The following ZSWIM7 variants were observed in gnomAD, a reference collection of about 807,000 sequenced individuals.
ZSWIM7 encodes zinc finger SWIM domain-containing protein 7.
In ZSWIM7, 22 loss-of-function variants were observed where a neutral mutation model predicts 21.1. The observed-to-expected ratio is 1.04, with a 90% CI of 0.74 to 1.49. The LOEUF is 1.49. Among genes scored for constraint, ZSWIM7 ranks in the 40% most tolerant of loss-of-function variants. The pLI is 0.00. For synonymous variants in ZSWIM7, 67 were observed against 66.5 expected, an observed-to-expected ratio of 1.01 and a Z score of -0.04; for missense variants, 193 against 168.0, an observed-to-expected ratio of 1.15 and a Z score of -0.82.
At chr17:15,985,418 G>A (rs1970397868) in intron 3 of ZSWIM7, among the ~76,000 whole-genome samples, 1 of 152,116 alleles carries the variant, frequency 6.6e-6, no homozygotes, top group African/African-American at 2.4e-5. Context: ...TGACCTATGG[G>A]ATGAAGAATG....
At chr17:15,979,751 G>A (rs1970329092) in intron 4 of ZSWIM7, among the ~76,000 whole-genome samples, 1 of 141,306 alleles carries the variant, frequency 7.1e-6, no homozygotes, top group Admixed American at 6.9e-5. Context: ...GCTGGGCAGA[G>A]GCGCCCCTCA....
At chr17:15,980,546 TGTGA>T (rs1245556547) in intron 4 of ZSWIM7, among the ~76,000 whole-genome samples, 1 of 152,232 alleles carries the variant, frequency 6.6e-6, no homozygotes. Context: ...ATAAGGTGTG[TGTGA>T]GTATGTCCTG....
intron 2 of ZSWIM7, among the ~76,000 whole-genome samples, chr17:15,989,326 T>C (rs1000954043): frequency 6.6e-6 from 1 of 152,100 alleles, no homozygotes; most frequent in African/African-American, 2.4e-5. Context: ...GTTTAATTTT[T>C]TTTTTTTTTG....
chr17:15,981,701 C>CGGT (rs1970358062), intron 3 of ZSWIM7, among the ~76,000 whole-genome samples: 1 of 152,072 alleles, frequency 6.6e-6, no homozygotes, highest in Non-Finnish European at 1.5e-5. Context: ...TTGACCCCCC[C>CGGT]CAGAGTTCAA....
intron 4 of ZSWIM7, 90 bp downstream of exon 4, chr17:15,980,950 A>G: frequency 1.1e-6 from 1 of 906,420 alleles, no homozygotes; most frequent in Non-Finnish European, 1.7e-6. Context: ...ATATAATAAG[A>G]TTCCCATTTT....
intron 4 of ZSWIM7, among the ~76,000 whole-genome samples, chr17:15,979,242 C>T (rs1378815859): frequency 4.0e-5 from 6 of 151,752 alleles, no homozygotes; most frequent in African/African-American, 7.3e-5. Flanking sequence ...CATCTTGCAC[C>T]GCCCTTAATC....
At position 15,977,163 on chromosome 17, in the gene ZSWIM7, TAC is replaced by T. The variant is rs1037116033; in HGVS notation, c.*882_*883del. On this transcript the variant is annotated 3_prime_UTR_variant, in exon 5 of 5. Transcript: ENST00000399277. The stretch of plus-strand genomic sequence containing the variant: ...GTTCTCGATACTAACTCTCAAACAA[TAC>T]AGTCTACTTAAGCTGTTTTGGCACA... 5 of 152,208 alleles carry T rather than the reference TAC, an allele frequency of 3.3e-5. No homozygotes were observed. Among genetic ancestry groups the T allele is most frequent in the African/African-American group, 9.7e-5 (4 of 41,438 alleles). The allele number at this position is 152,208 out of a possible 1,614,324, so 9.4% of individuals were successfully genotyped here.
At chr17:15,996,461 C>G (rs1324166005) in intron 1 of ZSWIM7, among the ~76,000 whole-genome samples, 1 of 152,060 alleles carries the variant, frequency 6.6e-6, no homozygotes, top group East Asian at 1.9e-4. Context: ...GCCTGGGCAA[C>G]AAAGGAAGAC....
intron 2 of ZSWIM7, among the ~76,000 whole-genome samples, chr17:15,989,665 C>T (rs1567792009): frequency 6.6e-6 from 1 of 151,982 alleles, no homozygotes; most frequent in Non-Finnish European, 1.5e-5. Flanking sequence ...CTCTCTCTGT[C>T]ACCCAGGCAG....
At chr17:15,990,893 G>A (rs1217367258) in intron 2 of ZSWIM7, 3 of 152,058 alleles carry the variant, frequency 2.0e-5, no homozygotes, top group Non-Finnish European at 4.4e-5. Flanking sequence ...GGCCAGGTGT[G>A]GTGGCTCATG....
In ZSWIM7 at chr17:15,988,283, G is replaced by C. The variant is rs147980808; in HGVS notation, c.99-915C>G. On this transcript the variant is annotated intron_variant, in intron 2 of 4. Coordinates refer to ENST00000399277, the MANE Select transcript of ZSWIM7 (RefSeq NM_001042697.2). ...TTTTACTCAATGCATTTTTGAAAAT[G>C]AGGCATGTTGACGGACATTTATTTT... Among the ~76,000 whole-genome samples, 768 of 152,148 alleles carry C rather than the reference G, an allele frequency of 5.0e-3. 9 individuals are homozygous for C. The highest frequency in any genetic ancestry group is 0.017 in the African/African-American group (723 of 41,510).
intron 2 of ZSWIM7, among the ~76,000 whole-genome samples, chr17:15,988,096 A>G (rs566593202): frequency 6.6e-6 from 1 of 152,322 alleles, no homozygotes; most frequent in East Asian, 1.9e-4. Context: ...ATGCACACAT[A>G]CATAACAAAC....
At chr17:15,991,748 G>GA (rs1247912124) in intron 2 of ZSWIM7, among the ~76,000 whole-genome samples, 1 of 152,078 alleles carries the variant, frequency 6.6e-6, no homozygotes, top group Admixed American at 6.6e-5. Context: ...TTGCCCCAAA[G>GA]AAAAAACACT....
In ZSWIM7 at chr17:15,981,043, G is replaced by A. The variant is rs1333963566; in HGVS notation, c.303C>T (p.Ile101=). 6.2e-7 allele frequency: 1 copy of A among 1,611,938 alleles called. No individual in the cohort carries two copies. The highest frequency in any genetic ancestry group is 1.7e-5 in the Admixed American group (1 of 59,992). ...AFSVLRKSDS[I]LCKHLLAVYL... is the part of the protein sequence containing the mutation. ...GAAGAGTCTTCCCCATCCTCACCAG[G>A]ATGCTGTCACTCTTCCGTAGCACTG... The change falls in exon 4 of 5, where the codon ATC becomes ATT. Residue 101 remains isoleucine, a synonymous_variant. Coordinates refer to ENST00000399277, the MANE Select transcript of ZSWIM7 (RefSeq NM_001042697.2).
At position 15,996,330 on chromosome 17, in the gene ZSWIM7, C is replaced by A. The variant is rs146361656; in HGVS notation, c.77-2552G>T. 5.3e-5 allele frequency among the ~76,000 whole-genome samples: 8 copies of A among 151,868 alleles called. No homozygotes were observed. The South Asian group carries it at 6.2e-4, about 12-fold the overall frequency. ...AAAAAAACCCAAAAAAACAAAAAAA[C>A]CCCACAACTTTTTCAGACATAAGCC... On this transcript the variant is annotated intron_variant, in intron 1 of 4. Transcript: ENST00000399277.
intron 2 of ZSWIM7, among the ~76,000 whole-genome samples, chr17:15,989,916 A>C (rs935897340): frequency 1.3e-5 from 2 of 152,014 alleles, no homozygotes; most frequent in Non-Finnish European, 2.9e-5. Flanking sequence ...CCAAAATTTA[A>C]TTTTTTGAAA....
At chr17:15,982,312 C>T (rs1331391476) in intron 3 of ZSWIM7, among the ~76,000 whole-genome samples, 1 of 152,104 alleles carries the variant, frequency 6.6e-6, no homozygotes, top group African/African-American at 2.4e-5. Context: ...AACTTCCCAC[C>T]TGGAGGCGTA....
intron 1 of ZSWIM7, among the ~76,000 whole-genome samples, chr17:15,997,313 C>T (rs571512968): frequency 1.3e-5 from 2 of 152,146 alleles, no homozygotes; most frequent in South Asian, 4.1e-4. Context: ...TAAGCAAGTC[C>T]GAAGGCTCTA....
At chr17:15,984,664 C>T (rs1970390079) in intron 3 of ZSWIM7, among the ~76,000 whole-genome samples, 1 of 152,240 alleles carries the variant, frequency 6.6e-6, no homozygotes, top group Non-Finnish European at 1.5e-5. Context: ...TGGTGCTTCT[C>T]TCTGAAAACA....
Sources: allele counts gnomAD v4.1 joint callset (sites outside exome capture counted in the v4.1 genomes callset), GRCh38; gene constraint gnomAD v4.1.1; transcripts MANE v1.5; gene names NCBI Gene and HGNC (gene_info 2026-07-23, HGNC 2026-07-21).